FAM9A: variants seen among roughly 807,000 people sequenced by gnomAD.
The protein encoded by FAM9A is protein FAM9A.
A neutral mutation model predicts 25.0 loss-of-function variants in FAM9A; 49 were observed. The ratio of observed to expected loss-of-function variants is 1.96; its 90% CI spans 1.56 to 2.48. The LOEUF (loss-of-function observed/expected upper bound fraction) is 2.48. FAM9A is among the 30% of genes most tolerant of loss of function. The pLI is 0.00. For missense variants in FAM9A, 266 were observed against 249.3 expected (o/e 1.07, Z -0.45); for synonymous variants, 80 against 85.1 (o/e 0.94, Z 0.33).
chrX:8,798,031 A>G, intron 5 of FAM9A, 119 bp downstream of exon 5: 1 of 644,202 alleles, frequency 1.6e-6, no homozygotes, highest in Non-Finnish European at 2.4e-6. Context: ...GTTAAATGCT[A>G]TATATGAGAA....
At chrX:8,792,799 C>A (rs1933484526) in intron 8 of FAM9A, among the ~76,000 whole-genome samples, 1 of 112,185 alleles carries the variant, frequency 8.9e-6, no homozygotes, top group Non-Finnish European at 1.9e-5. Context: ...TGTCTTTTCA[C>A]AAGGTTATTA....
At chrX:8,798,925 G>C (rs41311477) in intron 3 of FAM9A, 41 bp downstream of exon 3, 30,992 of 1,209,568 alleles carry the variant, frequency 0.026, 393 homozygotes, top group African/African-American at 0.096. Context: ...CCGTCCTCTT[G>C]GGCGTGCACC....
At position 8,796,376 on chromosome X, in the gene FAM9A, A is replaced by G; in HGVS notation, c.380T>C (p.Ile127Thr). 1 of 1,163,134 alleles carries G rather than the reference A, an allele frequency of 8.6e-7. No homozygotes were observed. The highest frequency in any genetic ancestry group is 1.2e-6 in the Non-Finnish European group (1 of 857,492). Residue 127 changes from isoleucine to threonine, a missense_variant, in exon 6 of 10, where the codon ATT (isoleucine) becomes ACT (threonine). By Grantham distance (89) the Ile-to-Thr change is moderately conservative. Coordinates refer to ENST00000381003, the MANE Select transcript of FAM9A (RefSeq NM_174951.3). Reference protein sequence around the residue: ...TMKLEHIAADIKKGLAAKREM... With the variant: ...TMKLEHIAADTKKGLAAKREM... ...TCTTTTTGCAGCAAGGCCCTTTTTA[A>G]TGTCAGCTAGATAGTAAATGAAAAT...
At chrX:8,796,172 C>T (rs1174538302) in intron 6 of FAM9A, 96 bp downstream of exon 6, 10 of 659,874 alleles carry the variant, frequency 1.5e-5, no homozygotes, top group South Asian at 2.7e-5. Context: ...TCCCTAGAGA[C>T]GCCAATATGT....
intron 2 of FAM9A, 49 bp downstream of exon 2, chrX:8,800,032 A>G (rs1409856299): frequency 1.7e-6 from 2 of 1,182,687 alleles, no homozygotes; most frequent in Non-Finnish European, 2.3e-6. Flanking sequence ...CGGGCTGCCC[A>G]TGTGCCCCCC....
rs1251962037 is a variant in FAM9A, at chrX:8,800,063, A to G, written c.91+18T>C. ...CCCCCGCGCAGAGAGCAAACAGACCATCTCCTTGGGCGTGCACCTTCTTTC... is the reference window on the plus strand; with the variant it reads ...CCCCCGCGCAGAGAGCAAACAGACCGTCTCCTTGGGCGTGCACCTTCTTTC... On this transcript the variant is annotated intron_variant, in intron 2 of 9. Coordinates refer to ENST00000381003, the MANE Select transcript of FAM9A (RefSeq NM_174951.3). 1.7e-6 allele frequency: 2 copies of G among 1,206,576 alleles called. No homozygotes were observed. The highest frequency in any genetic ancestry group is 1.8e-5 in the African/African-American group (1 of 56,907).
chrX:8,800,107 G>A lies in FAM9A; in HGVS notation c.65C>T (p.Thr22Met), dbSNP rs763112096. ...TTCTTTCGTGGCCCCCTGGGCGGCCGTAACTTGAGCTTCCAACTGAGCTTT... is the reference window on the plus strand; with the variant it reads ...TTCTTTCGTGGCCCCCTGGGCGGCCATAACTTGAGCTTCCAACTGAGCTTT... ...AAKAQLEAQV[T>M]AAQGATKEGS... The change falls in exon 2 of 10, where the codon ACG becomes ATG. Residue 22 changes from threonine to methionine, a missense_variant. Transcript: ENST00000381003. 4 of 1,205,722 alleles carry A rather than the reference G, an allele frequency of 3.3e-6. No individual in the cohort carries two copies. The African/African-American group carries it at 7.1e-5, about 21-fold the overall frequency.
chrX:8,801,270 C>G (rs1056651751), intron 1 of FAM9A, 41 bp downstream of exon 1: 1 of 105,890 alleles, frequency 9.4e-6, no homozygotes, highest in Non-Finnish European at 2.0e-5. Flanking sequence ...GCGAGAGGGC[C>G]GCATGCTCGA....
At chrX:8,792,409 A>C (rs951197049) in intron 8 of FAM9A, among the ~76,000 whole-genome samples, 1 of 111,138 alleles carries the variant, frequency 9.0e-6, no homozygotes, top group Non-Finnish European at 1.9e-5. Flanking sequence ...AGGAAGAATG[A>C]GGTCTTGAAC....
chrX:8,797,817 T>C (rs760938279), intron 5 of FAM9A, among the ~76,000 whole-genome samples: 2 of 111,535 alleles, frequency 1.8e-5, no homozygotes, highest in African/African-American at 3.3e-5. Flanking sequence ...TATATATACT[T>C]AATCTGTGTA....
At position 8,799,273 on chromosome X, in the gene FAM9A, C is replaced by T. The variant is rs1465802728; in HGVS notation, c.92-179G>A. 9.0e-5 allele frequency among the ~76,000 whole-genome samples: 10 copies of T among 111,431 alleles called. No individual in the cohort carries two copies. The South Asian group carries it at 3.8e-3, about 43-fold the overall frequency. On this transcript the variant is annotated intron_variant, in intron 2 of 9. Transcript: ENST00000381003. ...CCTATCCTTCCTGGCCCGTCCAGCC[C>T]CTCCCTGGGGCTGGCTGCAGAACTC...
intron 3 of FAM9A, 41 bp downstream of exon 3, chrX:8,798,925 G>T (rs41311477): frequency 8.3e-7 from 1 of 1,210,407 alleles, no homozygotes; most frequent in African/African-American, 1.7e-5. Flanking sequence ...CCGTCCTCTT[G>T]GGCGTGCACC....
In FAM9A at chrX:8,793,652, A is replaced by G; in HGVS notation, c.930+6T>C. On this transcript the variant is annotated splice_donor_region_variant and intron_variant, in intron 8 of 9. Transcript: ENST00000381003. The stretch of plus-strand genomic sequence containing the variant: ...ATAATGTATTATGTTACCAAATAGA[A>G]CAGACCTTTAGTAATTGCTCAAGTA... 8.4e-7 allele frequency: 1 copy of G among 1,193,931 alleles called. No individual in the cohort carries two copies. The highest frequency in any genetic ancestry group is 3.0e-5 in the East Asian group (1 of 33,751).
chrX:8,794,681 C>T (rs1208512549), intron 7 of FAM9A, among the ~76,000 whole-genome samples: 1 of 111,683 alleles, frequency 9.0e-6, no homozygotes, highest in Non-Finnish European at 1.9e-5. Flanking sequence ...ACACTTTTCA[C>T]TGCCCATTGC....
At chrX:8,792,571 A>G (rs1165968027) in intron 8 of FAM9A, among the ~76,000 whole-genome samples, 1 of 112,043 alleles carries the variant, frequency 8.9e-6, no homozygotes. Flanking sequence ...AACATGTAGC[A>G]TTAACATTGA....
At chrX:8,800,456 C>A (rs1239152931) in intron 1 of FAM9A, among the ~76,000 whole-genome samples, 1 of 110,490 alleles carries the variant, frequency 9.1e-6, no homozygotes, top group African/African-American at 3.3e-5. Flanking sequence ...AGGATCCTTG[C>A]GGTGTCCCTG....
At chrX:8,794,128 A>G (rs1933499717) in intron 7 of FAM9A, among the ~76,000 whole-genome samples, 1 of 111,896 alleles carries the variant, frequency 8.9e-6, no homozygotes, top group African/African-American at 3.3e-5. Context: ...TAAACAGGTA[A>G]TAAATCTTGG....
At position 8,795,353 on chromosome X, in the gene FAM9A, G is replaced by A. The variant is rs752985301; in HGVS notation, c.556C>T (p.Gln186Ter). 1 of 1,208,284 alleles carries A rather than the reference G, an allele frequency of 8.3e-7. No homozygotes were observed. The highest frequency in any genetic ancestry group is 1.1e-6 in the Non-Finnish European group (1 of 894,497). The part of the protein sequence containing the change: ...NVLKEYIAEK[Q>*]KDDEAEEAEA... ...GCTTCTTCTGCTTCATCATCTTTCTGCTTCTCTGCGATGTATTCTTTAAGG... is the reference window on the plus strand; with the variant it reads ...GCTTCTTCTGCTTCATCATCTTTCTACTTCTCTGCGATGTATTCTTTAAGG... Residue 186 changes from glutamine (Q) to a stop codon, truncating the protein, a stop_gained, in exon 7 of 10, where the codon CAG becomes TAG. Transcript: ENST00000381003. LOFTEE classifies it high-confidence loss of function.
intron 7 of FAM9A, among the ~76,000 whole-genome samples, chrX:8,794,062 G>T (rs1248153366): frequency 8.9e-6 from 1 of 112,070 alleles, no homozygotes; most frequent in Non-Finnish European, 1.9e-5. Context: ...GTTGACCACA[G>T]ATGGGTAAGA....
Sources: allele counts gnomAD v4.1 joint callset (sites outside exome capture counted in the v4.1 genomes callset), GRCh38; gene constraint gnomAD v4.1.1; transcripts MANE v1.5; gene names NCBI Gene and HGNC (gene_info 2026-07-23, HGNC 2026-07-21).